EYS: variants seen among roughly 807,000 people sequenced by gnomAD.
The protein encoded by EYS is protein eyes shut homolog.
EYS carries 250 observed loss-of-function variants against 282.1 expected under a neutral mutation model. The observed-to-expected ratio is 0.89, with a 90% confidence interval of 0.80 to 0.98. The LOEUF (loss-of-function observed/expected upper bound fraction) is 0.98. Ranked by LOEUF, EYS falls within the 50% of genes least tolerant of loss-of-function variation. The pLI is 0.00. For synonymous variants in EYS, 1,355 were observed against 1,282.9 expected, an observed-to-expected ratio of 1.06 and a Z score of -1.20; for missense variants, 4,016 against 3,709.0, an observed-to-expected ratio of 1.08 and a Z score of -2.15.
At chr6:64,562,066 A>T (rs1230875377) in intron 26 of EYS, among the ~76,000 whole-genome samples, 2 of 151,794 alleles carry the variant, frequency 1.3e-5, no homozygotes, top group African/African-American at 4.8e-5. Context: ...CAATGGAAAC[A>T]CATTCTTATT....
At chr6:64,584,102 C>T (rs1454747107) in intron 26 of EYS, among the ~76,000 whole-genome samples, 3 of 151,830 alleles carry the variant, frequency 2.0e-5, no homozygotes, top group Non-Finnish European at 4.4e-5. Context: ...ATCAAATATG[C>T]TTTTTGAAAT....
intron 7 of EYS, among the ~76,000 whole-genome samples, chr6:65,391,413 A>C (rs1248690734): frequency 1.3e-5 from 2 of 152,126 alleles, no homozygotes; most frequent in Non-Finnish European, 2.9e-5. Context: ...GATTGATTCA[A>C]AAAAACCCCA....
chr6:64,998,510 G>A (rs1771352448), intron 13 of EYS, among the ~76,000 whole-genome samples: 2 of 152,132 alleles, frequency 1.3e-5, no homozygotes, highest in South Asian at 4.1e-4. Context: ...CTAGCTTCTG[G>A]ATTTTTGCAG....
In EYS at chr6:65,449,430, A is replaced by T. The variant is rs577338270; in HGVS notation, c.862+41164T>A. Among the ~76,000 whole-genome samples, 27 of 152,228 alleles carry T rather than the reference A, an allele frequency of 1.8e-4. No homozygotes were observed. In the East Asian group the frequency reaches 3.3e-3, roughly 19 times the overall value. ...GCAATTTTTATAATTAAAAGAATGC[A>T]TTGGGTTGTTATCTTTCTCAAACCT... is the stretch of plus-strand genomic sequence containing the variant. On this transcript the variant is annotated intron_variant, in intron 5 of 42. Transcript: ENST00000503581.
chr6:65,580,903 T>C (rs1369852647), intron 2 of EYS, among the ~76,000 whole-genome samples: 1 of 152,084 alleles, frequency 6.6e-6, no homozygotes, highest in South Asian at 2.1e-4. Context: ...ATAGATAATA[T>C]ATTAATATTC....
intron 22 of EYS, among the ~76,000 whole-genome samples, chr6:64,796,091 G>A (rs866367593): frequency 1.3e-5 from 2 of 152,100 alleles, no homozygotes; most frequent in African/African-American, 4.8e-5. Context: ...AAATAAAAAC[G>A]CGTACATCTG....
chr6:65,289,976 C>CT, intron 12 of EYS, among the ~76,000 whole-genome samples: 1 of 151,124 alleles, frequency 6.6e-6, no homozygotes, highest in Middle Eastern at 3.4e-3. Flanking sequence ...ATTTAGAAGT[C>CT]TTTTCTTTCA....
intron 35 of EYS, among the ~76,000 whole-genome samples, chr6:63,950,350 C>T (rs145125216): frequency 0.014 from 2,182 of 152,170 alleles, 15 homozygotes; most frequent in Non-Finnish European, 0.023. Context: ...TTGTGAAATT[C>T]CTTCTCCTGG....
chr6:64,191,953 A>C (rs1057197314), intron 31 of EYS, among the ~76,000 whole-genome samples: 8 of 147,114 alleles, frequency 5.4e-5, no homozygotes, highest in African/African-American at 1.5e-4. Flanking sequence ...CAACAGTGTA[A>C]AAGTGTTCCT....
chr6:64,083,117 C>T (rs1772030494), intron 31 of EYS, among the ~76,000 whole-genome samples: 1 of 152,030 alleles, frequency 6.6e-6, no homozygotes. Flanking sequence ...CCATGTTGCC[C>T]AGGATTGTCT....
At chr6:64,576,470 C>A (rs1447406133) in intron 26 of EYS, among the ~76,000 whole-genome samples, 2 of 152,026 alleles carry the variant, frequency 1.3e-5, no homozygotes, top group African/African-American at 4.8e-5. Flanking sequence ...AAAATAACAT[C>A]TGTCCAGGGC....
intron 29 of EYS, among the ~76,000 whole-genome samples, chr6:64,345,737 C>A (rs144796237): frequency 0.031 from 4,722 of 151,868 alleles, 230 homozygotes; most frequent in African/African-American, 0.11. Context: ...TGCACAGCAA[C>A]AGAAACTACC....
chr6:64,724,631 A>T (rs1583081988), intron 22 of EYS, among the ~76,000 whole-genome samples: 2 of 152,344 alleles, frequency 1.3e-5, no homozygotes, highest in East Asian at 1.9e-4. Flanking sequence ...ATTAATGTTG[A>T]GTGGGAAAAC....
At chr6:63,947,160 A>G (rs1582011654) in intron 35 of EYS, among the ~76,000 whole-genome samples, 1 of 152,166 alleles carries the variant, frequency 6.6e-6, no homozygotes, top group South Asian at 2.1e-4. Flanking sequence ...AAAATGTTAT[A>G]ATAACATTTG....
chr6:64,180,363 G>T (rs181257412), intron 31 of EYS, among the ~76,000 whole-genome samples: 3 of 152,200 alleles, frequency 2.0e-5, no homozygotes, highest in Admixed American at 6.5e-5. Context: ...TTCACAAATG[G>T]TCATAGTTCT....
At chr6:64,470,958 T>C (rs1426820499) in intron 26 of EYS, among the ~76,000 whole-genome samples, 1 of 152,114 alleles carries the variant, frequency 6.6e-6, no homozygotes, top group East Asian at 1.9e-4. Context: ...CCAAGAGACA[T>C]AGACATCCAT....
At chr6:63,859,075 GTTTTTTTTTTTTT>G (rs745344580) in intron 36 of EYS, among the ~76,000 whole-genome samples, 69 of 47,936 alleles carry the variant, frequency 1.4e-3, no homozygotes, top group Non-Finnish European at 1.7e-3. Flanking sequence ...GTCCTAGAGA[GTTTTTTTTTTTTT>G]TTTTTTTTTT....
Position 64,792,792 on chromosome 6 carries a change from T to C in EYS, c.3443+20586A>G, listed in dbSNP as rs563840734. On this transcript the variant is annotated intron_variant, in intron 22 of 42. Transcript: ENST00000503581. ...GTTTCCAAAGGAGGATTCCTTTCTGTCTCCCTGTTTCGGTCTCTGACAATG... is the reference window on the plus strand; with the variant it reads ...GTTTCCAAAGGAGGATTCCTTTCTGCCTCCCTGTTTCGGTCTCTGACAATG... Among the ~76,000 whole-genome samples the C allele has an allele frequency of 4.5e-4, 69 of 152,030 alleles. No homozygotes were observed. In the South Asian group the frequency reaches 0.012, roughly 26 times the overall value.
At chr6:64,208,046 A>C (rs943975325) in intron 31 of EYS, among the ~76,000 whole-genome samples, 1 of 152,162 alleles carries the variant, frequency 6.6e-6, no homozygotes, top group African/African-American at 2.4e-5. Context: ...TTCTGATCTA[A>C]ATATATGTGA....
Sources: gnomAD v4.1 joint callset for allele counts (sites outside exome capture counted in the v4.1 genomes callset) on GRCh38, gnomAD v4.1.1 for gene constraint, MANE v1.5 for transcripts, NCBI Gene and HGNC (gene_info 2026-07-23, HGNC 2026-07-21) for gene names.